Variants in ZSCAN12 observed in about 807,000 individuals in gnomAD.
The protein encoded by ZSCAN12 is zinc finger and SCAN domain-containing protein 12.
In ZSCAN12, 18 loss-of-function variants were observed where a neutral mutation model predicts 23.4. The observed-to-expected ratio is 0.77, with a 90% CI of 0.53 to 1.14. The LOEUF is 1.14. Among genes scored for constraint, ZSCAN12 ranks in the 50% most tolerant of loss-of-function variants. The probability of loss-of-function intolerance (pLI) is 0.00; values close to 1 mark genes in which losing one functional copy is unlikely to be tolerated. For synonymous variants in ZSCAN12, 186 were observed against 253.4 expected (o/e 0.73, Z 2.53); for missense variants, 650 against 735.0 (o/e 0.88, Z 1.34).
Position 28,391,418 on chromosome 6 carries a change from T to C in ZSCAN12, c.872A>G (p.Glu291Gly). ...KAFSQHSHLI[E>G]HQRIHTGDRP... ...ATCTCCAGTATGGATCCTCTGATGTTCTATGAGGTGTGAGTGCTGACTAAA... is the reference window on the plus strand; with the variant it reads ...ATCTCCAGTATGGATCCTCTGATGTCCTATGAGGTGTGAGTGCTGACTAAA... Residue 291 changes from glutamate to glycine, a missense_variant, in exon 4 of 4, where the codon GAA (glutamate) becomes GGA (glycine). Coordinates refer to ENST00000684592, the MANE Select transcript of ZSCAN12 (RefSeq NM_001163391.2). This position sits in a 1 kb window ranked among gnomAD's most constrained non-coding sequence, Gnocchi z 4.1. 6.4e-7 allele frequency: 1 copy of C among 1,551,576 alleles called. No homozygotes were observed. The highest frequency in any genetic ancestry group is 1.4e-5 in the African/African-American group (1 of 73,148).
In ZSCAN12 at chr6:28,391,550, G is replaced by A. The variant is rs370048592; in HGVS notation, c.740C>T (p.Thr247Ile). The part of the protein sequence containing the change: ...SACSREDKQP[T>I]CDENGVSLTE... ...CAGGCTTACTCCATTTTCATCACAGGTAGGTTGTTTATCTTCTCTGGAGCA... is the reference window on the plus strand; with the variant it reads ...CAGGCTTACTCCATTTTCATCACAGATAGGTTGTTTATCTTCTCTGGAGCA... Residue 247 changes from threonine (T) to isoleucine (I), a missense_variant, in exon 4 of 4, where the codon ACC (threonine) becomes ATC (isoleucine). By Grantham distance (89) the Thr-to-Ile change is moderately conservative (BLOSUM62 -1). Coordinates refer to ENST00000684592, the MANE Select transcript of ZSCAN12 (RefSeq NM_001163391.2). This position sits in a 1 kb window ranked among gnomAD's most constrained non-coding sequence, Gnocchi z 4.1. The A allele has an allele frequency of 2.6e-5, 40 of 1,552,106 alleles. No homozygotes were observed. The highest frequency in any genetic ancestry group is 3.3e-5 in the Non-Finnish European group (38 of 1,147,130).
chr6:28,383,460 A>C (rs979112209), downstream of ZSCAN12, among the ~76,000 whole-genome samples: 1 of 152,116 alleles, frequency 6.6e-6, no homozygotes, highest in African/African-American at 2.4e-5. Context: ...CAGCTTCTCT[A>C]GGATTCTGGA....
chr6:28,390,501 T>C lies in ZSCAN12; in HGVS notation c.1789A>G (p.Thr597Ala), dbSNP rs1760758048. 2 of 1,551,030 alleles carry C rather than the reference T, an allele frequency of 1.3e-6. No individual in the cohort carries two copies. The highest frequency in any genetic ancestry group is 4.9e-5 in the East Asian group (2 of 40,950). ...CCTTTGTGGATAGTCTGATGTTGAG[T>C]AAGAGCTGAGTTCTGCCTGAATGAT... Reference protein sequence around the residue: ...GKSFRQNSALTQHQTIHKGEK... With the variant: ...GKSFRQNSALAQHQTIHKGEK... Residue 597 changes from threonine to alanine, a missense_variant, in exon 4 of 4, where the codon ACT becomes GCT. By Grantham distance (58) the Thr-to-Ala change is moderately conservative (BLOSUM62 0). Transcript: ENST00000684592.
At chr6:28,395,727 A>G (rs988314136) in intron 2 of ZSCAN12, among the ~76,000 whole-genome samples, 1 of 152,172 alleles carries the variant, frequency 6.6e-6, no homozygotes, top group Non-Finnish European at 1.5e-5. Context: ...GACATAATAT[A>G]ATCTTATAAG....
At chr6:28,383,381 G>GGTCC (rs1163563808), downstream of ZSCAN12, among the ~76,000 whole-genome samples, 1 of 152,128 alleles carries the variant, frequency 6.6e-6, no homozygotes, top group African/African-American at 2.4e-5. Context: ...CGCCTCCAAA[G>GGTCC]GTCCGTCACA....
In ZSCAN12 at chr6:28,391,530, T is replaced by G; in HGVS notation, c.760A>C (p.Ser254Arg). ...KQPTCDENGV[S>R]LTENSDHTEH... ...GTATGGTCAGAGTTCTCAGTCAGGC[T>G]TACTCCATTTTCATCACAGGTAGGT... is the stretch of plus-strand genomic sequence containing the variant. Residue 254 changes from serine (S) to arginine (R), a missense_variant, in exon 4 of 4, where the codon AGC becomes CGC. Physicochemically the swap from Ser to Arg is moderately radical, Grantham distance 110 (BLOSUM62 -1). Transcript: ENST00000684592. This position sits in a 1 kb window ranked among gnomAD's most constrained non-coding sequence, Gnocchi z 4.1. The G allele has an allele frequency of 1.3e-6, 2 of 1,552,186 alleles. No individual in the cohort carries two copies. Among genetic ancestry groups the G allele is most frequent in the South Asian group, 1.2e-5 (1 of 84,056 alleles).
In ZSCAN12 at chr6:28,386,199, C is replaced by T. The variant is rs923923678; in HGVS notation, c.*4255G>A. Reference sequence around the variant, plus strand: ...GAAACTTGGCTCTTCCCCAACCTCTCCATGCTTTTTGCCTTAAACACTTAA... The same window carrying T: ...GAAACTTGGCTCTTCCCCAACCTCTTCATGCTTTTTGCCTTAAACACTTAA... On this transcript the variant is annotated 3_prime_UTR_variant, in exon 4 of 4. Transcript: ENST00000684592. Among the ~76,000 whole-genome samples, 4 of 152,208 alleles carry T rather than the reference C, an allele frequency of 2.6e-5. No homozygotes were observed. Among genetic ancestry groups the T allele is most frequent in the African/African-American group, 9.7e-5 (4 of 41,444 alleles).
rs1761205177 is a variant in ZSCAN12, at chr6:28,398,070, C to G, written c.336G>C (p.Glu112Asp). Residue 112 changes from glutamate to aspartate, a missense_variant, in exon 2 of 4, where the codon GAG becomes GAC. Transcript: ENST00000684592. ...GCACAGTCACCACCTCCTCCCCACT[C>G]TCTGGATGCTGCTCCTGCACCCAGG... ...LQAWVQEQHP[E>D]SGEEVVTVLE... 1.9e-6 allele frequency: 3 copies of G among 1,613,504 alleles called. No individual in the cohort carries two copies. The highest frequency in any genetic ancestry group is 1.7e-6 in the Non-Finnish European group (2 of 1,179,714).
chr6:28,391,735 A>G lies in ZSCAN12; in HGVS notation c.555T>C (p.Asp185=). The part of the protein sequence containing the change: ...ELESQQEQVL[D]VETGNEYGNL... ...TCCCATACTCATTTCCAGTCTCAAC[A>G]TCTAAAACTAAGAAGGGATCATAAA... The change falls in exon 4 of 4, where the codon GAT becomes GAC. Residue 185 remains aspartate (D), a synonymous_variant. Transcript: ENST00000684592. The surrounding 1 kb of genome is among the most constrained non-coding windows in gnomAD (Gnocchi z 4.1). The G allele has an allele frequency of 6.6e-7, 1 of 1,523,912 alleles. No homozygotes were observed. Among genetic ancestry groups the G allele is most frequent in the East Asian group, 2.4e-5 (1 of 40,826 alleles). 94.4% of individuals were successfully genotyped at this position (1,523,912 alleles called of 1,614,324 possible).
chr6:28,388,719 C>T lies in ZSCAN12; in HGVS notation c.*1735G>A, dbSNP rs1760670716. 6.6e-6 allele frequency among the ~76,000 whole-genome samples: 1 copy of T among 152,136 alleles called. No homozygotes were observed. The highest frequency in any genetic ancestry group is 6.5e-5 in the Admixed American group (1 of 15,274). On this transcript the variant is annotated 3_prime_UTR_variant, in exon 4 of 4. Transcript: ENST00000684592. ...TGTCACTGTCTCACCACTTCAAACCCACTAACCAGCTAGAAGTGTGAAGAG... is the reference window on the plus strand; with the variant it reads ...TGTCACTGTCTCACCACTTCAAACCTACTAACCAGCTAGAAGTGTGAAGAG...
At chr6:28,384,569 A>C (rs544846472), downstream of ZSCAN12, among the ~76,000 whole-genome samples, 1 of 152,292 alleles carries the variant, frequency 6.6e-6, no homozygotes, top group East Asian at 1.9e-4. Context: ...AAGAGATGAA[A>C]TCAAGGGAAA....
rs74525464 is a variant in ZSCAN12 at position 28,387,894 on chromosome 6, C to T, written c.*2560G>A. Reference sequence around the variant, plus strand: ...AAAAGAGCCGAGCCCAACATTTGTACTGACTTAAGATGGTACTTTAGGACA... The same window carrying T: ...AAAAGAGCCGAGCCCAACATTTGTATTGACTTAAGATGGTACTTTAGGACA... On this transcript the variant is annotated 3_prime_UTR_variant, in exon 4 of 4. Transcript: ENST00000684592. 0.099 allele frequency among the ~76,000 whole-genome samples: 15,073 copies of T among 152,148 alleles called. 841 individuals are homozygous for T. The highest frequency in any genetic ancestry group is 0.14 in the African/African-American group (5,795 of 41,492).
rs1376771800 is a variant in ZSCAN12, at chr6:28,391,147, T to A, written c.1143A>T (p.Thr381=). ...AGLFHHIKIH[T]RDKPYQCTQC... ...GAGTGCACTGATAAGGTTTGTCTCT[T>A]GTGTGGATCTTGATATGGTGAAAGA... Residue 381 remains threonine (T), a synonymous_variant, in exon 4 of 4, where the codon ACA becomes ACT. Transcript: ENST00000684592. This position sits in a 1 kb window ranked among gnomAD's most constrained non-coding sequence, Gnocchi z 4.1. The A allele has an allele frequency of 6.4e-7, 1 of 1,552,134 alleles. No individual in the cohort carries two copies. Among genetic ancestry groups the A allele is most frequent in the African/African-American group, 1.4e-5 (1 of 73,150 alleles).
intron 1 of ZSCAN12, among the ~76,000 whole-genome samples, chr6:28,398,678 G>A (rs753354488): frequency 6.6e-6 from 1 of 151,426 alleles, no homozygotes; most frequent in Non-Finnish European, 1.5e-5. Flanking sequence ...AGCACTTTGG[G>A]AGGCCGAGTC....
In ZSCAN12 at chr6:28,399,709, G is replaced by C. The variant is rs1219965029; in HGVS notation, c.-121C>G. 6.6e-6 allele frequency: 1 copy of C among 152,446 alleles called. No individual in the cohort carries two copies. The highest frequency in any genetic ancestry group is 2.4e-5 in the African/African-American group (1 of 41,472). The allele number at this position is 152,446 out of a possible 1,614,324, so 9.4% of individuals were successfully genotyped here. ...TCCCTCCTACGGAGCGAAGGCAAGA[G>C]GCCTCGAACCCTTTTGGGACCCGGA... On this transcript the variant is annotated 5_prime_UTR_variant, in exon 1 of 4. Transcript: ENST00000684592.
In ZSCAN12 at chr6:28,385,652, T is replaced by G. The variant is rs1285016177; in HGVS notation, c.*4802A>C. 7.2e-5 allele frequency among the ~76,000 whole-genome samples: 11 copies of G among 152,204 alleles called. No homozygotes were observed. On this transcript the variant is annotated 3_prime_UTR_variant, in exon 4 of 4. Coordinates refer to ENST00000684592, the MANE Select transcript of ZSCAN12 (RefSeq NM_001163391.2). ...TACTAACTTCGGGACCTTGAGCAGC[T>G]TTAGATTATCTATTTCAGTTTCCCC...
chr6:28,391,252 GT>G lies in ZSCAN12; in HGVS notation c.1037del (p.Asn346ThrfsTer280). The G allele has an allele frequency of 2.6e-6, 4 of 1,551,706 alleles. No homozygotes were observed. Among genetic ancestry groups the G allele is most frequent in the Non-Finnish European group, 3.5e-6 (4 of 1,147,006 alleles). ...GKAFGRWSAL[N>X]QHQRLHTGEK... ...CTCCTGTGTGAAGTCTCTGATGTTGGTTAAGAGCTGACCACCGGCCAAAGGC... is the reference window on the plus strand; with the variant it reads ...CTCCTGTGTGAAGTCTCTGATGTTGGTAAGAGCTGACCACCGGCCAAAGGC... On this transcript the variant is annotated frameshift_variant, in exon 4 of 4. Transcript: ENST00000684592. LOFTEE classifies it low-confidence loss of function (END_TRUNC). The surrounding 1 kb of genome is among the most constrained non-coding windows in gnomAD (Gnocchi z 4.1).
At chr6:28,399,097 T>C (rs2114006757) in intron 1 of ZSCAN12, among the ~76,000 whole-genome samples, 1 of 152,316 alleles carries the variant, frequency 6.6e-6, no homozygotes, top group African/African-American at 2.4e-5. Context: ...TAAATAATAA[T>C]AACAAAAGGT....
At chr6:28,381,748 G>C (rs1760254887), downstream of ZSCAN12, 1 of 152,130 alleles carries the variant, frequency 6.6e-6, no homozygotes, top group Non-Finnish European at 1.5e-5. Context: ...TAGGATCTTA[G>C]GTTTGATCTG....
Sources: allele counts gnomAD v4.1 joint callset (sites outside exome capture counted in the v4.1 genomes callset), GRCh38; gene constraint gnomAD v4.1.1; non-coding constraint Gnocchi (gnomAD v3.1); transcripts MANE v1.5; gene names NCBI Gene and HGNC (gene_info 2026-07-23, HGNC 2026-07-21).